ENPP1: variants seen among roughly 807,000 people sequenced by gnomAD.
ENPP1 encodes the protein ectonucleotide pyrophosphatase/phosphodiesterase 1, also known as ectonucleotide pyrophosphatase/phosphodiesterase family member 1.
In ENPP1, 73 loss-of-function variants were observed where a neutral mutation model predicts 122.8. The ratio of observed to expected loss-of-function variants is 0.59; its 90% CI spans 0.49 to 0.72. The LOEUF is 0.72. Among genes scored for constraint, ENPP1 ranks in the 30% least tolerant of loss-of-function variants. The pLI is 0.00. For missense variants in ENPP1, 978 were observed against 1,128.1 expected, an observed-to-expected ratio of 0.87 and a Z score of 1.91; for synonymous variants, 367 against 391.6, an observed-to-expected ratio of 0.94 and a Z score of 0.74.
At chr6:131,825,218 C>T (rs901036061) in intron 1 of ENPP1, among the ~76,000 whole-genome samples, 2 of 152,116 alleles carry the variant, frequency 1.3e-5, no homozygotes, top group Non-Finnish European at 1.5e-5. Flanking sequence ...AACAAATCAA[C>T]GGGACCCTGA....
intron 1 of ENPP1, 28 bp downstream of exon 1, chr6:131,808,303 C>G (rs898238247): frequency 6.7e-7 from 1 of 1,485,236 alleles, no homozygotes; most frequent in Non-Finnish European, 9.0e-7. Context: ...CCCCGGCGCC[C>G]GGGAGGGCTG....
intron 1 of ENPP1, among the ~76,000 whole-genome samples, chr6:131,841,658 G>A (rs1781742203): frequency 6.6e-6 from 1 of 152,152 alleles, no homozygotes; most frequent in Non-Finnish European, 1.5e-5. Context: ...TGTTTACTTT[G>A]TGCAAGGCAC....
In ENPP1 at chr6:131,811,366, ATCTATATCTATATATC is replaced by A. The variant is rs1258728141; in HGVS notation, c.240+3093_240+3108del. ...GTTCTTTAAAAAAACATATATCTAT[ATCTATATCTATATATC>A]TATATCTATATCTATATCTATATCT... On this transcript the variant is annotated intron_variant, in intron 1 of 24. Transcript: ENST00000647893. 2.5e-4 allele frequency among the ~76,000 whole-genome samples: 36 copies of A among 143,152 alleles called. 1 individual carries two copies. The highest frequency in any genetic ancestry group is 9.6e-4 in the Admixed American group (14 of 14,526). 93.9% of individuals were successfully genotyped at this position (143,152 alleles called of 152,430 possible).
chr6:131,879,386 GT>G (rs2114723156), intron 19 of ENPP1, among the ~76,000 whole-genome samples: 1 of 151,254 alleles, frequency 6.6e-6, no homozygotes, highest in Non-Finnish European at 1.5e-5. Flanking sequence ...ATAGGGAAAT[GT>G]AAAAATTAGT....
chr6:131,887,960 A>C (rs543557487), intron 24 of ENPP1, among the ~76,000 whole-genome samples: 11 of 144,636 alleles, frequency 7.6e-5, no homozygotes, highest in Admixed American at 6.4e-4. Flanking sequence ...TCCCGGGCTC[A>C]AGCGATTCTC....
At chr6:131,819,477 T>C (rs969259355) in intron 1 of ENPP1, among the ~76,000 whole-genome samples, 5 of 152,196 alleles carry the variant, frequency 3.3e-5, no homozygotes, top group African/African-American at 1.2e-4. Context: ...ATTCTTCAGA[T>C]TCAGTTTTTT....
chr6:131,851,915 C>A (rs2114693300), intron 4 of ENPP1, among the ~76,000 whole-genome samples: 1 of 152,150 alleles, frequency 6.6e-6, no homozygotes. Context: ...GGAAAAGATA[C>A]CTTCAAGTTC....
At chr6:131,842,635 C>T (rs1326304988) in intron 1 of ENPP1, among the ~76,000 whole-genome samples, 3 of 152,258 alleles carry the variant, frequency 2.0e-5, no homozygotes, top group African/African-American at 7.2e-5. Context: ...TTTCTGCTCT[C>T]CACTGTGTTG....
At chr6:131,810,914 C>T (rs1409031564) in intron 1 of ENPP1, among the ~76,000 whole-genome samples, 1 of 152,158 alleles carries the variant, frequency 6.6e-6, no homozygotes, top group Non-Finnish European at 1.5e-5. Context: ...CCAAGCTGTG[C>T]TTTAGAGGCT....
At chr6:131,824,783 G>T (rs113682853) in intron 1 of ENPP1, among the ~76,000 whole-genome samples, 1 of 151,970 alleles carries the variant, frequency 6.6e-6, no homozygotes, top group African/African-American at 2.4e-5. Flanking sequence ...ATTGGAGGCC[G>T]GGTGCAGTGG....
At chr6:131,868,228 T>TA in intron 12 of ENPP1, 102 bp downstream of exon 12, 1 of 842,366 alleles carries the variant, frequency 1.2e-6, no homozygotes, top group Admixed American at 1.9e-5. Flanking sequence ...AATTCTTTTT[T>TA]AAAAATGTAG....
At chr6:131,852,850 G>T (rs1164525974) in intron 5 of ENPP1, among the ~76,000 whole-genome samples, 18 of 150,990 alleles carry the variant, frequency 1.2e-4, no homozygotes, top group Non-Finnish European at 4.4e-5. Flanking sequence ...CAACCTATTT[G>T]TGAGAGATGA....
intron 20 of ENPP1, among the ~76,000 whole-genome samples, chr6:131,881,578 T>C (rs1320928486): frequency 6.6e-6 from 1 of 152,158 alleles, no homozygotes; most frequent in Admixed American, 6.6e-5. Context: ...AAAATCAACA[T>C]TTTACTATAT....
chr6:131,864,438 A>C, intron 9 of ENPP1, 68 bp from the exon 10 acceptor site: 1 of 1,058,126 alleles, frequency 9.5e-7, no homozygotes, highest in Non-Finnish European at 1.5e-6. Flanking sequence ...ATTTTCAATG[A>C]AAAAAACTAT....
intron 6 of ENPP1, among the ~76,000 whole-genome samples, chr6:131,856,727 C>T (rs1781952213): frequency 6.9e-6 from 1 of 144,682 alleles, no homozygotes; most frequent in Non-Finnish European, 1.5e-5. Context: ...GTTTTCCCAG[C>T]ACCATTTATT....
chr6:131,885,277 T>C (rs111552617), intron 23 of ENPP1, among the ~76,000 whole-genome samples: 3 of 152,358 alleles, frequency 2.0e-5, no homozygotes, highest in African/African-American at 7.2e-5. Flanking sequence ...AAAAGTAGTG[T>C]TTCTCACCCA....
chr6:131,882,187 G>GA (rs534331778), intron 20 of ENPP1, among the ~76,000 whole-genome samples, 158 bp from the exon 21 acceptor site: 60 of 151,702 alleles, frequency 4.0e-4, no homozygotes, highest in African/African-American at 1.4e-3. Flanking sequence ...ACTTTAGTTA[G>GA]AAAAAAAGAT....
At position 131,882,447 on chromosome 6, in the gene ENPP1, G is replaced by C. The variant is rs1490594354; in HGVS notation, c.2203G>C (p.Val735Leu). The C allele has an allele frequency of 6.2e-7, 1 of 1,609,176 alleles. No individual in the cohort carries two copies. Among genetic ancestry groups the C allele is most frequent in the African/African-American group, 1.3e-5 (1 of 74,736 alleles). ...TTCATTTTATAAAAATAACACCAAA[G>C]TGAGTTACGGGTTCCTCTCCCCACC... ...KCSFYKNNTKVSYGFLSPPQL... is the reference protein window; with the variant it reads ...KCSFYKNNTKLSYGFLSPPQL... Residue 735 changes from valine (V) to leucine (L), a missense_variant, in exon 21 of 25, where the codon GTG (valine) becomes CTG (leucine). Transcript: ENST00000647893.
At chr6:131,876,928 C>T (rs1782236367) in intron 17 of ENPP1, 64 bp from the exon 18 acceptor site, 2 of 1,480,130 alleles carry the variant, frequency 1.4e-6, no homozygotes, top group East Asian at 2.3e-5. Flanking sequence ...AAGATCATGG[C>T]ACAAGTCTAC....
Sources: allele counts gnomAD v4.1 joint callset (sites outside exome capture counted in the v4.1 genomes callset), GRCh38; gene constraint gnomAD v4.1.1; transcripts MANE v1.5; gene names NCBI Gene and HGNC (gene_info 2026-07-23, HGNC 2026-07-21).